PLBD1: variants seen among roughly 807,000 people sequenced by gnomAD.
PLBD1 encodes lysosomal leucine aminopeptidase.
In PLBD1, 60 loss-of-function variants were observed where a neutral mutation model predicts 63.0. The ratio of observed to expected loss-of-function variants is 0.95; its 90% CI spans 0.77 to 1.18. The LOEUF (loss-of-function observed/expected upper bound fraction) is 1.18. PLBD1 is among the 50% of genes most tolerant of loss of function. PLBD1 has a pLI of 0.00. For synonymous variants in PLBD1, 262 were observed against 248.0 expected (o/e 1.06, Z -0.53); for missense variants, 598 against 677.9 (o/e 0.88, Z 1.31).
intron 6 of PLBD1, among the ~76,000 whole-genome samples, chr12:14,528,911 CAAG>C (rs770391506): frequency 6.6e-6 from 1 of 152,032 alleles, no homozygotes; most frequent in Non-Finnish European, 1.5e-5. Flanking sequence ...AAAACTAACT[CAAG>C]AAGAGTTAGA....
intron 1 of PLBD1, chr12:14,553,697 TG>T: frequency 4.2e-6 from 2 of 479,448 alleles, no homozygotes; most frequent in Non-Finnish European, 7.6e-6. Flanking sequence ...GGTGGGAATC[TG>T]GGCAGGGCTG....
At chr12:14,535,390 T>C (rs367966012) in intron 6 of PLBD1, among the ~76,000 whole-genome samples, 2 of 152,346 alleles carry the variant, frequency 1.3e-5, no homozygotes, top group South Asian at 2.1e-4. Context: ...ACATACTCAG[T>C]TGGCATTTGT....
intron 6 of PLBD1, among the ~76,000 whole-genome samples, chr12:14,525,859 G>A (rs1305861224): frequency 6.6e-6 from 1 of 152,010 alleles, no homozygotes; most frequent in Non-Finnish European, 1.5e-5. Context: ...CACTAAATGG[G>A]ATAATTACCA....
chr12:14,525,875 A>C (rs1296889149), intron 6 of PLBD1, among the ~76,000 whole-genome samples: 2 of 152,214 alleles, frequency 1.3e-5, no homozygotes, highest in Non-Finnish European at 2.9e-5. Flanking sequence ...TACCATTTTA[A>C]GTTCCTATAT....
chr12:14,541,946 A>G (rs1042487366), intron 3 of PLBD1, among the ~76,000 whole-genome samples: 2 of 152,184 alleles, frequency 1.3e-5, no homozygotes, highest in Non-Finnish European at 2.9e-5. Flanking sequence ...GGTACTTTAC[A>G]CTGGTGATGT....
chr12:14,531,606 A>G (rs915147492), intron 6 of PLBD1, among the ~76,000 whole-genome samples: 5 of 152,140 alleles, frequency 3.3e-5, no homozygotes, highest in African/African-American at 1.2e-4. Flanking sequence ...TCTTCAGGCT[A>G]ATTGCTGCCT....
intron 8 of PLBD1, among the ~76,000 whole-genome samples, chr12:14,508,367 T>C (rs1945271452): frequency 6.6e-6 from 1 of 152,262 alleles, no homozygotes; most frequent in Admixed American, 6.5e-5. Context: ...TAGTATCTAA[T>C]ACTTGGTAAA....
At chr12:14,515,664 A>C (rs558823348) in intron 6 of PLBD1, among the ~76,000 whole-genome samples, 1 of 152,334 alleles carries the variant, frequency 6.6e-6, no homozygotes, top group Non-Finnish European at 1.5e-5. Flanking sequence ...TATTTATTAA[A>C]TAGGCAATTT....
chr12:14,547,026 G>A (rs1432455384), intron 2 of PLBD1, among the ~76,000 whole-genome samples: 5 of 151,948 alleles, frequency 3.3e-5, no homozygotes, highest in African/African-American at 9.7e-5. Flanking sequence ...GATTACAGGC[G>A]TGTGCCACCA....
At chr12:14,557,369 A>G (rs1945714078) in intron 1 of PLBD1, among the ~76,000 whole-genome samples, 1 of 152,202 alleles carries the variant, frequency 6.6e-6, no homozygotes, top group Admixed American at 6.5e-5. Flanking sequence ...ACATATGTTC[A>G]TTGCAGCACT....
chr12:14,536,782 G>T, intron 4 of PLBD1, 72 bp from the exon 5 acceptor site: 1 of 1,567,028 alleles, frequency 6.4e-7, no homozygotes, highest in Admixed American at 1.7e-5. Flanking sequence ...CTCTTGTTAG[G>T]GACCCATTAA....
chr12:14,533,861 G>C (rs1420419025), intron 6 of PLBD1, among the ~76,000 whole-genome samples: 13 of 152,206 alleles, frequency 8.5e-5, no homozygotes, highest in Admixed American at 8.5e-4. Context: ...ATTCCTGATA[G>C]GGGCCGGACA....
chr12:14,536,615 C>T lies in PLBD1; in HGVS notation c.654G>A (p.Lys218=), dbSNP rs1945517731. Residue 218 remains lysine, a synonymous_variant, in exon 5 of 11, where the codon AAG becomes AAA. Transcript: ENST00000240617. ...SLSPTKNGSL[K]VFKRWDMGHC... Reference sequence around the variant, plus strand: ...GTCCCATGTCCCATCTCTTAAAAACCTTTAGGCTGCCGTTTTTTGTGGGAG... The same window carrying T: ...GTCCCATGTCCCATCTCTTAAAAACTTTTAGGCTGCCGTTTTTTGTGGGAG... The T allele has an allele frequency of 6.2e-7, 1 of 1,614,060 alleles. No homozygotes were observed. The highest frequency in any genetic ancestry group is 1.3e-5 in the African/African-American group (1 of 74,926).
At chr12:14,549,960 G>T (rs1415846830) in intron 2 of PLBD1, among the ~76,000 whole-genome samples, 1 of 152,102 alleles carries the variant, frequency 6.6e-6, no homozygotes, top group Non-Finnish European at 1.5e-5. Context: ...GAGACACCGT[G>T]CCCAGCCACT....
chr12:14,510,357 G>A (rs1322054353), intron 8 of PLBD1, among the ~76,000 whole-genome samples: 1 of 152,110 alleles, frequency 6.6e-6, no homozygotes, highest in Non-Finnish European at 1.5e-5. Context: ...TCGCACCACC[G>A]TACTCCAGCC....
intron 6 of PLBD1, among the ~76,000 whole-genome samples, chr12:14,521,716 C>T (rs533995507): frequency 6.6e-6 from 1 of 152,194 alleles, no homozygotes; most frequent in Admixed American, 6.5e-5. Context: ...GATGCCCAGA[C>T]ATCAGTGCAG....
chr12:14,532,755 T>A (rs539780057), intron 6 of PLBD1, among the ~76,000 whole-genome samples: 4 of 152,280 alleles, frequency 2.6e-5, no homozygotes, highest in African/African-American at 9.6e-5. Context: ...TCTGCCACCT[T>A]GGTCAGTCTT....
chr12:14,556,176 G>A (rs958312745), intron 1 of PLBD1, among the ~76,000 whole-genome samples: 31 of 152,302 alleles, frequency 2.0e-4, no homozygotes, highest in African/African-American at 7.0e-4. Context: ...TGACTATCAG[G>A]TTTTAGGCTG....
chr12:14,557,522 G>C (rs1945715251), intron 1 of PLBD1, among the ~76,000 whole-genome samples: 1 of 152,248 alleles, frequency 6.6e-6, no homozygotes, highest in South Asian at 2.1e-4. Context: ...AACATGGATG[G>C]AGCTGGAGGC....
Sources: allele counts gnomAD v4.1 joint callset (sites outside exome capture counted in the v4.1 genomes callset), GRCh38; gene constraint gnomAD v4.1.1; transcripts MANE v1.5; gene names NCBI Gene and HGNC (gene_info 2026-07-23, HGNC 2026-07-21).